Variants in GRIPAP1 observed in about 807,000 individuals in gnomAD.
GRIPAP1 encodes GRIP1-associated protein 1.
In GRIPAP1, 14 loss-of-function variants were observed where a neutral mutation model predicts 84.1. The observed-to-expected ratio is 0.17, with a 90% CI of 0.11 to 0.26. The LOEUF is 0.26. Ranked by LOEUF, GRIPAP1 falls within the 10% of genes least tolerant of loss-of-function variation. The probability of loss-of-function intolerance (pLI) is 1.00; values close to 1 mark genes in which losing one functional copy is unlikely to be tolerated. For missense variants in GRIPAP1, 518 were observed against 674.2 expected (o/e 0.77, Z 2.57); for synonymous variants, 261 against 256.8 (o/e 1.02, Z -0.15).
intron 14 of GRIPAP1, among the ~76,000 whole-genome samples, chrX:48,985,025 A>G (rs2064479631): frequency 9.0e-6 from 1 of 111,691 alleles, no homozygotes; most frequent in Admixed American, 9.6e-5. Context: ...CCATCTCAAA[A>G]AAAAATTAAA....
At chrX:48,976,139 C>T (rs1557060396) in intron 23 of GRIPAP1, 28 bp from the exon 24 acceptor site, 1 of 1,204,228 alleles carries the variant, frequency 8.3e-7, no homozygotes, top group African/African-American at 1.8e-5. Context: ...CCACCTGAGA[C>T]CCCTCTACTG....
chrX:48,993,247 A>G (rs1330239203), intron 6 of GRIPAP1, among the ~76,000 whole-genome samples, 181 bp downstream of exon 6: 2 of 113,118 alleles, frequency 1.8e-5, no homozygotes, highest in African/African-American at 6.4e-5. Context: ...AGACATCACT[A>G]CATGCACTGT....
In GRIPAP1 at chrX:48,976,103, G is replaced by A. The variant is rs920590444; in HGVS notation, c.2193C>T (p.His731=). 2 of 1,210,972 alleles carry A rather than the reference G, an allele frequency of 1.7e-6. No homozygotes were observed. The highest frequency in any genetic ancestry group is 4.3e-5 in the Admixed American group (2 of 46,065). The change falls in exon 24 of 26, where the codon CAC becomes CAT. Residue 731 remains histidine (H), a synonymous_variant. Coordinates refer to ENST00000376423, the MANE Select transcript of GRIPAP1 (RefSeq NM_020137.5). ...EKWMLEEKVK[H]LEVSSASMAE... ...CCATGGAAGCACTGCTCACTTCCAGGTGCTTCACCTGCAAGATGGCCCAGC... is the reference window on the plus strand; with the variant it reads ...CCATGGAAGCACTGCTCACTTCCAGATGCTTCACCTGCAAGATGGCCCAGC...
intron 14 of GRIPAP1, 104 bp from the exon 15 acceptor site, chrX:48,983,974 G>A (rs781816707): frequency 1.5e-5 from 8 of 543,669 alleles, no homozygotes; most frequent in Non-Finnish European, 2.7e-5. Flanking sequence ...TGGTAAAGTT[G>A]GTATTGTGAT....
intron 21 of GRIPAP1, among the ~76,000 whole-genome samples, chrX:48,979,099 G>GA (rs1354442095): frequency 1.8e-5 from 2 of 109,963 alleles, no homozygotes; most frequent in Non-Finnish European, 3.8e-5. Flanking sequence ...TCCACTTGCA[G>GA]AAAGAAAATG....
chrX:48,990,979 C>A lies in GRIPAP1; in HGVS notation c.589G>T (p.Glu197Ter). 8.5e-7 allele frequency: 1 copy of A among 1,182,619 alleles called. No homozygotes were observed. Among genetic ancestry groups the A allele is most frequent in the Non-Finnish European group, 1.1e-6 (1 of 881,546 alleles). Residue 197 changes from glutamate to a stop codon, truncating the protein, a stop_gained, in exon 7 of 26, where the codon GAA (glutamate) becomes TAA (stop). Coordinates refer to ENST00000376423, the MANE Select transcript of GRIPAP1 (RefSeq NM_020137.5). LOFTEE classifies it high-confidence loss of function. Reference protein sequence around the residue: ...MPLAEVELKWEMEKEEKRLLW... With the variant: ...MPLAEVELKW ...AATCTCTTCTCCTCTTTCTCCATTT[C>A]CCATTTCAGCTCCACCTCTGCCAAC...
intron 12 of GRIPAP1, 46 bp from the exon 13 acceptor site, chrX:48,987,923 G>T: frequency 1.1e-6 from 1 of 879,776 alleles, no homozygotes; most frequent in Non-Finnish European, 1.6e-6. Context: ...AGAACAGGGG[G>T]ACAGGACCTA....
chrX:48,999,091 C>A (rs2064562263), intron 3 of GRIPAP1, 147 bp downstream of exon 3: 2 of 391,272 alleles, frequency 5.1e-6, no homozygotes, highest in Admixed American at 5.1e-5. Flanking sequence ...AAAGAGAATT[C>A]CATTGAGAAT....
At chrX:48,990,645 C>T in intron 8 of GRIPAP1, 40 bp downstream of exon 8, 1 of 1,120,463 alleles carries the variant, frequency 8.9e-7, no homozygotes, top group South Asian at 1.9e-5. Flanking sequence ...AAGAATCCAG[C>T]AGATTGGGAG....
At position 48,989,831 on chromosome X, in the gene GRIPAP1, T is replaced by C. The variant is rs1557064952; in HGVS notation, c.770+4A>G. On this transcript the variant is annotated splice_donor_region_variant and intron_variant, in intron 10 of 25. Coordinates refer to ENST00000376423, the MANE Select transcript of GRIPAP1 (RefSeq NM_020137.5). ...CCACCAATACCCGCAAATCTGGCAG[T>C]TACCTGCTGTCATTAAACAGAGTCT... 1.7e-6 allele frequency: 2 copies of C among 1,206,990 alleles called. No individual in the cohort carries two copies. The highest frequency in any genetic ancestry group is 2.2e-5 in the Admixed American group (1 of 45,943).
chrX:48,990,135 C>T (rs1557065069), intron 8 of GRIPAP1, 132 bp from the exon 9 acceptor site: 1 of 519,821 alleles, frequency 1.9e-6, no homozygotes, highest in African/African-American at 2.4e-5. Flanking sequence ...CTTGTGGAAT[C>T]CTCAAAATAG....
chrX:48,984,504 G>A (rs1406827428), intron 14 of GRIPAP1, among the ~76,000 whole-genome samples: 1 of 109,483 alleles, frequency 9.1e-6, no homozygotes, highest in African/African-American at 3.3e-5. Context: ...GATCTCCTGA[G>A]GTCAGGAGTT....
chrX:48,983,138 G>T, intron 16 of GRIPAP1, 46 bp from the exon 17 acceptor site: 1 of 1,103,614 alleles, frequency 9.1e-7, no homozygotes, highest in Non-Finnish European at 1.3e-6. Context: ...AGAGGAGCGG[G>T]CACCTGATGC....
intron 12 of GRIPAP1, 82 bp downstream of exon 12, chrX:48,988,039 G>A (rs888401721): frequency 3.9e-6 from 3 of 777,463 alleles, no homozygotes; most frequent in Non-Finnish European, 5.7e-6. Flanking sequence ...GGATCCCTGG[G>A]ACCTTGCCTG....
Position 48,999,464 on chromosome X carries a change from G to A in GRIPAP1, c.83C>T (p.Ser28Leu). ...AACACCATTCTTGCGTAGTTCATCT[G>A]AAAGCTGGTAGTTGTTTGTCCGGAG... Reference protein sequence around the residue: ...LELRTNNYQLSDELRKNGVEL... With the variant: ...LELRTNNYQLLDELRKNGVEL... Residue 28 changes from serine (S) to leucine (L), a missense_variant, in exon 2 of 26, where the codon TCA becomes TTA. Coordinates refer to ENST00000376423, the MANE Select transcript of GRIPAP1 (RefSeq NM_020137.5). 1 of 1,206,546 alleles carries A rather than the reference G, an allele frequency of 8.3e-7. No homozygotes were observed. The highest frequency in any genetic ancestry group is 1.1e-6 in the Non-Finnish European group (1 of 890,891).
chrX:48,988,130 T>C lies in GRIPAP1; in HGVS notation c.939A>G (p.Leu313=), dbSNP rs961180440. 9.2e-6 allele frequency: 11 copies of C among 1,193,496 alleles called. No homozygotes were observed. The highest frequency in any genetic ancestry group is 9.0e-5 in the East Asian group (3 of 33,438). The change falls in exon 12 of 26, where the codon CTA becomes CTG. Residue 313 remains leucine, a synonymous_variant. Coordinates refer to ENST00000376423, the MANE Select transcript of GRIPAP1 (RefSeq NM_020137.5). ...RLEHAAALRA[L]QDQVSIQSAD... ...ACGCAGTACAATATACCTGATCTTG[T>C]AGGGCCCGCAAAGCTGCTGCATGTT...
intron 4 of GRIPAP1, chrX:48,997,939 T>G (rs2064556587): frequency 2.4e-6 from 1 of 420,038 alleles, no homozygotes; most frequent in Non-Finnish European, 4.1e-6. Flanking sequence ...AGAAAGAGAC[T>G]CAGAGAAAAG....
chrX:48,999,474 AGTT>A lies in GRIPAP1; in HGVS notation c.70_72del (p.Asn24del). Reference sequence around the variant, plus strand: ...TTGCGTAGTTCATCTGAAAGCTGGTAGTTGTTTGTCCGGAGTTCCAGGAGCTGA... The same window carrying A: ...TTGCGTAGTTCATCTGAAAGCTGGTAGTTTGTCCGGAGTTCCAGGAGCTGA... On this transcript the variant is annotated inframe_deletion, in exon 2 of 26. Coordinates refer to ENST00000376423, the MANE Select transcript of GRIPAP1 (RefSeq NM_020137.5). 8.3e-7 allele frequency: 1 copy of A among 1,207,569 alleles called. No individual in the cohort carries two copies. Among genetic ancestry groups the A allele is most frequent in the Non-Finnish European group, 1.1e-6 (1 of 891,993 alleles).
intron 21 of GRIPAP1, among the ~76,000 whole-genome samples, chrX:48,980,524 C>CAG (rs781843741): frequency 9.1e-6 from 1 of 110,237 alleles, no homozygotes; most frequent in South Asian, 3.8e-4. Context: ...AGGAGACAGA[C>CAG]AGAGATATAA....
Sources: allele counts gnomAD v4.1 joint callset (sites outside exome capture counted in the v4.1 genomes callset), GRCh38; gene constraint gnomAD v4.1.1; transcripts MANE v1.5; gene names NCBI Gene and HGNC (gene_info 2026-07-23, HGNC 2026-07-21).